CELF2: variants seen among roughly 807,000 people sequenced by gnomAD.
CELF2 encodes the protein CUGBP Elav-like family member 2.
CELF2 carries 8 observed loss-of-function variants against 62.6 expected under a neutral mutation model. That is an observed-to-expected ratio of 0.13 (90% CI 0.07 to 0.23). The LOEUF (loss-of-function observed/expected upper bound fraction) is 0.23. CELF2 is among the 10% of genes least tolerant of loss of function. The pLI, the probability that CELF2 is intolerant of heterozygous loss-of-function variation, is 1.00. For missense variants in CELF2, 333 were observed against 671.0 expected, an observed-to-expected ratio of 0.50 and a Z score of 5.56; for synonymous variants, 258 against 250.0, an observed-to-expected ratio of 1.03 and a Z score of -0.30.
chr10:10,708,508 C>T, the CELF2 span, among the ~76,000 whole-genome samples: 1 of 152,078 alleles, frequency 6.6e-6, no homozygotes, highest in African/African-American at 2.4e-5. Flanking sequence ...CAAATTAAAA[C>T]TTAACAAATA....
In CELF2 at chr10:11,217,354, G is replaced by T. The variant is rs1032233238; in HGVS notation, c.272-71G>T. ...GTCCTTTTAAGTAGATTGTTTGTTC[G>T]CCACAGTCTCCATTATATCTAAGCA... On this transcript the variant is annotated intron_variant, in intron 2 of 12. Coordinates refer to ENST00000633077, the MANE Select transcript of CELF2 (RefSeq NM_001326342.2). The surrounding 1 kb of genome is among the most constrained non-coding windows in gnomAD (Gnocchi z 5.6). 2.9e-6 allele frequency: 3 copies of T among 1,022,390 alleles called. No homozygotes were observed. Among genetic ancestry groups the T allele is most frequent in the Non-Finnish European group, 4.5e-6 (3 of 673,050 alleles). 63.3% of individuals were successfully genotyped at this position (1,022,390 alleles called of 1,614,324 possible).
chr10:10,827,138 TAGAA>T (rs2057459675), intron 1 of CELF2, among the ~76,000 whole-genome samples: 2 of 152,130 alleles, frequency 1.3e-5, no homozygotes. Flanking sequence ...TTGCAGGAGT[TAGAA>T]GGAAATTCTG....
At chr10:11,213,629 A>G (rs2062514969) in intron 2 of CELF2, among the ~76,000 whole-genome samples, 1 of 152,222 alleles carries the variant, frequency 6.6e-6, no homozygotes, top group Non-Finnish European at 1.5e-5. Flanking sequence ...TGATAGGTGG[A>G]TAAAAAGACT....
In CELF2 at chr10:11,314,122, T is replaced by C. The variant is rs200318207; in HGVS notation, c.977-17T>C. 3.2e-3 allele frequency: 4,759 copies of C among 1,464,604 alleles called. 141 individuals are homozygous for C. The African/African-American group carries it at 0.11, about 32-fold the overall frequency. The allele number at this position is 1,464,604 out of a possible 1,614,324, so 90.7% of individuals were successfully genotyped here. On this transcript the variant is annotated splice_polypyrimidine_tract_variant and intron_variant, in intron 9 of 12. Coordinates refer to ENST00000633077, the MANE Select transcript of CELF2 (RefSeq NM_001326342.2). This position sits in a 1 kb window ranked among gnomAD's most constrained non-coding sequence, Gnocchi z 5.3. ...CTCGTGTCTTCTCTCCCCTTGTCTCTGTTTTCCTTTTTTCAGTGGCTGCTT... is the reference window on the plus strand; with the variant it reads ...CTCGTGTCTTCTCTCCCCTTGTCTCCGTTTTCCTTTTTTCAGTGGCTGCTT...
intron 1 of CELF2, among the ~76,000 whole-genome samples, chr10:10,808,161 A>C (rs1395275234): frequency 6.6e-6 from 1 of 152,190 alleles, no homozygotes; most frequent in Non-Finnish European, 1.5e-5. Context: ...AACATGTTAA[A>C]ATAATTGCTG....
intron 1 of CELF2, among the ~76,000 whole-genome samples, chr10:10,869,768 C>G (rs534658654): frequency 5.9e-5 from 9 of 152,274 alleles, no homozygotes; most frequent in African/African-American, 2.2e-4. Flanking sequence ...TGCATTCTCT[C>G]TTCACGCCTT....
At chr10:10,494,940 A>G in the CELF2 span, among the ~76,000 whole-genome samples, 9 of 152,334 alleles carry the variant, frequency 5.9e-5, no homozygotes, top group South Asian at 1.9e-3. Flanking sequence ...GCCTATAAGC[A>G]ATTAAAGACT....
At chr10:10,816,789 G>C (rs1176784667) in intron 1 of CELF2, among the ~76,000 whole-genome samples, 1 of 152,316 alleles carries the variant, frequency 6.6e-6, no homozygotes, top group East Asian at 1.9e-4. Context: ...GTATGGTCCA[G>C]GTTCAGGTAA....
chr10:11,197,901 A>G (rs983119726), intron 2 of CELF2, among the ~76,000 whole-genome samples: 1 of 152,226 alleles, frequency 6.6e-6, no homozygotes, highest in African/African-American at 2.4e-5. Context: ...TTACTCCTTT[A>G]AAAATGTATT....
chr10:10,954,791 T>C (rs1278777432), intron 2 of CELF2, among the ~76,000 whole-genome samples: 2 of 152,242 alleles, frequency 1.3e-5, no homozygotes, highest in African/African-American at 4.8e-5. Flanking sequence ...ATAATGATGT[T>C]CTTTACTGAT....
In CELF2 at chr10:11,217,305, T is replaced by A; in HGVS notation, c.272-120T>A. On this transcript the variant is annotated intron_variant, in intron 2 of 12. Coordinates refer to ENST00000633077, the MANE Select transcript of CELF2 (RefSeq NM_001326342.2). The surrounding 1 kb of genome is among the most constrained non-coding windows in gnomAD (Gnocchi z 5.6). ...AGATGTTGTTATTGCTGTTCTCATA[T>A]GCTTTATTATTTTTAAATTGTGCGT... is the stretch of plus-strand genomic sequence containing the variant. 1 of 614,612 alleles carries A rather than the reference T, an allele frequency of 1.6e-6. No homozygotes were observed. Among genetic ancestry groups the A allele is most frequent in the Non-Finnish European group, 2.9e-6 (1 of 347,456 alleles). The allele number at this position is 614,612 out of a possible 1,614,324, so 38.1% of individuals were successfully genotyped here. A position where few individuals can be genotyped will look rare whatever the true frequency, so the allele number is the denominator to read the frequency against.
intron 2 of CELF2, among the ~76,000 whole-genome samples, chr10:11,186,597 G>A (rs375665827): frequency 5.9e-4 from 90 of 152,168 alleles, no homozygotes; most frequent in African/African-American, 2.1e-3. Context: ...TATTCAGAAT[G>A]TGTCATTTAG....
At chr10:10,570,567 C>T in the CELF2 span, among the ~76,000 whole-genome samples, 20 of 151,570 alleles carry the variant, frequency 1.3e-4, no homozygotes, top group African/African-American at 4.4e-4. Context: ...ATGAAAGAGA[C>T]CCACTTAGAA....
chr10:10,927,807 C>A (rs1470161080), intron 2 of CELF2, among the ~76,000 whole-genome samples: 4 of 152,150 alleles, frequency 2.6e-5, no homozygotes, highest in Non-Finnish European at 5.9e-5. Flanking sequence ...TGTTAAATGG[C>A]CTTTGAATTG....
At chr10:10,840,729 T>C (rs940414697) in intron 1 of CELF2, among the ~76,000 whole-genome samples, 14 of 152,164 alleles carry the variant, frequency 9.2e-5, no homozygotes, top group African/African-American at 3.4e-4. Flanking sequence ...AACATGCAGG[T>C]TTGTTACATA....
At chr10:11,065,207 G>A (rs145100483) in intron 1 of CELF2, among the ~76,000 whole-genome samples, 176 of 152,254 alleles carry the variant, frequency 1.2e-3, no homozygotes, top group African/African-American at 3.8e-3. Context: ...TGGTGGCCAC[G>A]AGTTTGATGA....
At chr10:10,982,150 T>C (rs944594211) in intron 2 of CELF2, among the ~76,000 whole-genome samples, 1 of 151,982 alleles carries the variant, frequency 6.6e-6, no homozygotes, top group African/African-American at 2.4e-5. Flanking sequence ...GAGACAGGTT[T>C]CACCATGTTG....
At position 11,334,823 on chromosome 10, in the gene CELF2, G is replaced by A. The variant is rs1417307188; in HGVS notation, c.*5770G>A. 1.3e-5 allele frequency: 2 copies of A among 152,182 alleles called. No homozygotes were observed. The highest frequency in any genetic ancestry group is 2.9e-5 in the Non-Finnish European group (2 of 68,030). The allele number at this position is 152,182 out of a possible 1,614,324, so 9.4% of individuals were successfully genotyped here. Reference sequence around the variant, plus strand: ...AGACACTAATCACTTTCTAAAAGAAGTGAGTTCTCCAGGGAAGAAAAATCA... The same window carrying A: ...AGACACTAATCACTTTCTAAAAGAAATGAGTTCTCCAGGGAAGAAAAATCA... On this transcript the variant is annotated 3_prime_UTR_variant, in exon 13 of 13. Coordinates refer to ENST00000633077, the MANE Select transcript of CELF2 (RefSeq NM_001326342.2).
chr10:11,064,682 C>A (rs2067626554), intron 1 of CELF2, among the ~76,000 whole-genome samples: 1 of 152,096 alleles, frequency 6.6e-6, no homozygotes, highest in Non-Finnish European at 1.5e-5. Flanking sequence ...CCCCACCCCC[C>A]AAATATGATT....
Sources: gnomAD v4.1 joint callset for allele counts (sites outside exome capture counted in the v4.1 genomes callset) on GRCh38, gnomAD v4.1.1 for gene constraint, Gnocchi (gnomAD v3.1) non-coding constraint, MANE v1.5 for transcripts, NCBI Gene and HGNC (gene_info 2026-07-23, HGNC 2026-07-21) for gene names.